ACTR3C: variants seen among roughly 807,000 people sequenced by gnomAD.
The protein encoded by ACTR3C is actin-related protein 3C.
ACTR3C carries 18 observed loss-of-function variants against 26.3 expected under a neutral mutation model. That is an observed-to-expected ratio of 0.68 (90% CI 0.47 to 1.01). The LOEUF (loss-of-function observed/expected upper bound fraction) is 1.01. ACTR3C is among the 50% of genes least tolerant of loss of function. The pLI is 0.00. For missense variants in ACTR3C, 184 were observed against 250.7 expected (o/e 0.73, Z 1.80); for synonymous variants, 55 against 94.5 (o/e 0.58, Z 2.42).
the ACTR3C span, among the ~76,000 whole-genome samples, chr7:149,928,948 CAAT>C: frequency 1.1e-4 from 16 of 152,286 alleles, no homozygotes; most frequent in African/African-American, 3.6e-4. Flanking sequence ...CCACTGACAA[CAAT>C]GAGGACGGCA....
the ACTR3C span, among the ~76,000 whole-genome samples, chr7:149,918,437 T>A: frequency 1.3e-5 from 2 of 152,216 alleles, no homozygotes; most frequent in Non-Finnish European, 2.9e-5. Flanking sequence ...ACACCTGTAA[T>A]CCCAACACTT....
At chr7:149,925,198 TA>T in the ACTR3C span, among the ~76,000 whole-genome samples, 2 of 152,032 alleles carry the variant, frequency 1.3e-5, no homozygotes, top group African/African-American at 4.8e-5. Flanking sequence ...ACAATATTCC[TA>T]AAAGACACAA....
intron 6 of ACTR3C, among the ~76,000 whole-genome samples, chr7:150,276,207 C>T (rs572066431): frequency 2.6e-5 from 4 of 152,120 alleles, no homozygotes; most frequent in East Asian, 3.9e-4. Flanking sequence ...ATATCAAATG[C>T]GGTATTAAAA....
chr7:149,935,490 C>G, the ACTR3C span, among the ~76,000 whole-genome samples: 2 of 149,372 alleles, frequency 1.3e-5, no homozygotes, highest in African/African-American at 4.9e-5. Context: ...CAACCTCTGC[C>G]TCCTGGGTTC....
the ACTR3C span, among the ~76,000 whole-genome samples, chr7:150,033,310 G>A: frequency 4.6e-5 from 7 of 152,162 alleles, no homozygotes; most frequent in South Asian, 2.1e-4. Context: ...TGGGCTTTGC[G>A]TTTGCTCTAG....
At chr7:149,993,631 T>C in the ACTR3C span, among the ~76,000 whole-genome samples, 1 of 152,088 alleles carries the variant, frequency 6.6e-6, no homozygotes, top group East Asian at 1.9e-4. Flanking sequence ...TCTCAGGAGA[T>C]GCTCCCCTTG....
the ACTR3C span, among the ~76,000 whole-genome samples, chr7:149,983,656 C>G: frequency 1.3e-5 from 2 of 150,736 alleles, no homozygotes; most frequent in African/African-American, 4.9e-5. Flanking sequence ...ATCAGGACCT[C>G]AAAGAACTAT....
At chr7:150,012,315 A>ATTTTT in the ACTR3C span, among the ~76,000 whole-genome samples, 1 of 91,996 alleles carries the variant, frequency 1.1e-5, no homozygotes, top group African/African-American at 4.2e-5. Context: ...TTATAAATGC[A>ATTTTT]TCTTTTTTTT....
the ACTR3C span, among the ~76,000 whole-genome samples, chr7:149,979,510 G>A: frequency 6.6e-6 from 1 of 151,882 alleles, no homozygotes; most frequent in Admixed American, 6.5e-5. Flanking sequence ...GTCTTTAAAA[G>A]AATCTCTAAT....
At chr7:150,074,900 TACTA>T in the ACTR3C span, among the ~76,000 whole-genome samples, 1 of 152,160 alleles carries the variant, frequency 6.6e-6, no homozygotes, top group Non-Finnish European at 1.5e-5. Context: ...AGTAAACACA[TACTA>T]CATACATAGG....
the ACTR3C span, among the ~76,000 whole-genome samples, chr7:149,963,516 G>T: frequency 6.4e-4 from 97 of 152,270 alleles, no homozygotes; most frequent in African/African-American, 2.2e-3. Context: ...CCCTGAGGAT[G>T]GGCAGCCTAT....
the ACTR3C span, among the ~76,000 whole-genome samples, chr7:149,923,795 C>T: frequency 4.0e-5 from 6 of 151,720 alleles, no homozygotes; most frequent in Admixed American, 6.6e-5. Context: ...GTCACGAGTT[C>T]GAGACCAGCC....
At chr7:150,207,198 T>G in the ACTR3C span, among the ~76,000 whole-genome samples, 1 of 152,184 alleles carries the variant, frequency 6.6e-6, no homozygotes, top group African/African-American at 2.4e-5. Flanking sequence ...AAGCAATAAG[T>G]CCTGTTATCT....
At chr7:150,238,913 T>C in the ACTR3C span, among the ~76,000 whole-genome samples, 1 of 148,416 alleles carries the variant, frequency 6.7e-6, no homozygotes, top group Admixed American at 6.6e-5. Flanking sequence ...CAAATGTTAT[T>C]TCTAAAACTC....
chr7:150,117,680 C>T, the ACTR3C span, among the ~76,000 whole-genome samples: 6 of 152,254 alleles, frequency 3.9e-5, no homozygotes, highest in Admixed American at 3.3e-4. Flanking sequence ...AACATTCCTG[C>T]CTGCCAGCTC....
the ACTR3C span, among the ~76,000 whole-genome samples, chr7:150,196,864 G>A: frequency 1.3e-5 from 2 of 152,058 alleles, no homozygotes; most frequent in African/African-American, 4.8e-5. Context: ...CTTTGTCCTC[G>A]GCTTCAGCCA....
intron 2 of ACTR3C, 21 bp from the exon 3 acceptor site, chr7:150,293,440 C>A: frequency 6.5e-7 from 1 of 1,548,818 alleles, no homozygotes; most frequent in Non-Finnish European, 8.7e-7. Context: ...GACATGAAAA[C>A]CGCTCGCACA....
At chr7:150,047,586 C>T in the ACTR3C span, 1 of 1,051,848 alleles carries the variant, frequency 9.5e-7, no homozygotes, top group Non-Finnish European at 1.1e-6. Context: ...CGCCGCCGTC[C>T]CCCGCCCCCG....
chr7:149,895,315 A>G, the ACTR3C span, among the ~76,000 whole-genome samples: 1 of 150,658 alleles, frequency 6.6e-6, no homozygotes, highest in South Asian at 2.1e-4. Context: ...ATAAATTACA[A>G]GAGATCTAGC....
Sources: allele counts gnomAD v4.1 joint callset (sites outside exome capture counted in the v4.1 genomes callset), GRCh38; gene constraint gnomAD v4.1.1; transcripts MANE v1.5; gene names NCBI Gene and HGNC (gene_info 2026-07-23, HGNC 2026-07-21).